The following ANK2 variants were observed in gnomAD, a reference collection of about 807,000 sequenced individuals.
ANK2 encodes the protein ankyrin 2.
Under a neutral mutation model 360.5 loss-of-function variants are expected in ANK2, and 83 were observed. The ratio of observed to expected loss-of-function variants is 0.23; its 90% CI spans 0.19 to 0.28. The LOEUF is 0.28. ANK2 is among the 10% of genes least tolerant of loss of function. ANK2 has a pLI of 1.00. For missense variants in ANK2, 4,201 were observed against 4,795.7 expected (o/e 0.88, Z 3.66); for synonymous variants, 1,740 against 1,759.5 (o/e 0.99, Z 0.28).
intron 2 of ANK2, among the ~76,000 whole-genome samples, chr4:112,977,984 C>T (rs2041985769): frequency 6.6e-6 from 1 of 152,166 alleles, no homozygotes; most frequent in Non-Finnish European, 1.5e-5. Context: ...TGGCTCACGC[C>T]TGTAATCCCA....
In ANK2 at chr4:113,318,386, G is replaced by T. The variant is rs76370480; in HGVS notation, c.2797-131G>T. 8.4e-3 allele frequency: 5,903 copies of T among 706,044 alleles called. 275 individuals carry two copies. The African/African-American group carries it at 0.095, about 11-fold the overall frequency. 43.7% of individuals were successfully genotyped at this position (706,044 alleles called of 1,614,324 possible). A position where few individuals can be genotyped will look rare whatever the true frequency, so the allele number is the denominator to read the frequency against. On this transcript the variant is annotated intron_variant, in intron 25 of 45. Transcript: ENST00000357077. ...TTAAAAGATTCATTGTAAATACATT[G>T]GTTTTATATTTTAAGTGTAAGTTTT... is the stretch of plus-strand genomic sequence containing the variant.
intron 4 of ANK2, among the ~76,000 whole-genome samples, chr4:113,204,117 A>G (rs1359568064): frequency 1.3e-5 from 2 of 152,040 alleles, no homozygotes. Flanking sequence ...ATATAAGAGA[A>G]TTTTTTCTTT....
intron 2 of ANK2, among the ~76,000 whole-genome samples, chr4:112,957,007 G>GTTTTTTTTTTTT (rs56066718): frequency 1.5e-5 from 1 of 66,480 alleles, no homozygotes; most frequent in Non-Finnish European, 2.9e-5. Flanking sequence ...TATTGCTCTT[G>GTTTTTTTTTTTT]TTTTTTTTTT....
chr4:113,258,006 T>C, intron 11 of ANK2, 44 bp from the exon 12 acceptor site: 1 of 1,526,572 alleles, frequency 6.6e-7, no homozygotes, highest in Non-Finnish European at 9.1e-7. Context: ...TGTGTGAGAA[T>C]TGTTTCTGCA....
chr4:113,343,573 A>G (rs1404337329), intron 34 of ANK2, among the ~76,000 whole-genome samples: 2 of 152,210 alleles, frequency 1.3e-5, no homozygotes, highest in African/African-American at 4.8e-5. Flanking sequence ...TAAGCTAGTA[A>G]ATTATCTGCA....
the ANK2 span, among the ~76,000 whole-genome samples, chr4:112,756,095 C>T: frequency 7.4e-3 from 1,126 of 151,928 alleles, 23 homozygotes; most frequent in Admixed American, 0.039. Flanking sequence ...AAAAATTAGC[C>T]GGGTGTGGTG....
At chr4:113,120,580 CAT>C (rs1462768308) in intron 1 of ANK2, among the ~76,000 whole-genome samples, 33 of 152,098 alleles carry the variant, frequency 2.2e-4, no homozygotes, top group Non-Finnish European at 2.6e-4. Flanking sequence ...GAAAGTAAAA[CAT>C]ATATTTATTT....
At chr4:112,746,445 T>C in the ANK2 span, among the ~76,000 whole-genome samples, 1 of 149,136 alleles carries the variant, frequency 6.7e-6, no homozygotes, top group East Asian at 2.0e-4. Flanking sequence ...GAGGTGGAGG[T>C]TGCAGTGAGC....
chr4:113,356,709 A>C lies in ANK2; in HGVS notation c.8091A>C (p.Ser2697=). ...TACAACCTCCTTCTCCACTTCCATCAAGCATGGACTCCAATTCCAGTCCAG... is the reference window on the plus strand; with the variant it reads ...TACAACCTCCTTCTCCACTTCCATCCAGCATGGACTCCAATTCCAGTCCAG... The part of the protein sequence containing the change: ...IRVQPPSPLP[S]SMDSNSSPEE... Residue 2697 remains serine (S), a synonymous_variant, in exon 38 of 46, where the codon TCA becomes TCC. Transcript: ENST00000357077. 6.2e-7 allele frequency: 1 copy of C among 1,614,154 alleles called. No individual in the cohort carries two copies. The highest frequency in any genetic ancestry group is 8.5e-7 in the Non-Finnish European group (1 of 1,179,992).
chr4:113,119,899 TTG>T, intron 1 of ANK2, among the ~76,000 whole-genome samples: 1 of 147,116 alleles, frequency 6.8e-6, no homozygotes, highest in Non-Finnish European at 1.5e-5. Flanking sequence ...AAAAGAATAT[TTG>T]TATTATTATT....
At chr4:112,829,958 C>A (rs1391869887) in intron 1 of ANK2, among the ~76,000 whole-genome samples, 6 of 140,368 alleles carry the variant, frequency 4.3e-5, no homozygotes, top group African/African-American at 1.0e-4. Flanking sequence ...GACTCCGTCT[C>A]AAAAAAATAA....
At chr4:112,889,244 AAAC>A (rs1036223405) in intron 1 of ANK2, among the ~76,000 whole-genome samples, 3 of 151,952 alleles carry the variant, frequency 2.0e-5, no homozygotes, top group African/African-American at 7.2e-5. Context: ...AAAAAAAAAA[AAAC>A]AAAACCTTAA....
chr4:113,355,479 T>C lies in ANK2; in HGVS notation c.6861T>C (p.Gly2287=). 2 of 1,614,032 alleles carry C rather than the reference T, an allele frequency of 1.2e-6. No individual in the cohort carries two copies. The highest frequency in any genetic ancestry group is 1.7e-6 in the Non-Finnish European group (2 of 1,179,982). ...ATCCCACGACCAAAGACATTACTGG[T>C]GGCTCTGAAGAGCGAGGTGCCACAG... is the stretch of plus-strand genomic sequence containing the variant. The part of the protein sequence containing the change: ...KEHPTTKDIT[G]GSEERGATVT... Residue 2287 remains glycine (G), a synonymous_variant, in exon 38 of 46, where the codon GGT becomes GGC. Coordinates refer to ENST00000357077, the MANE Select transcript of ANK2 (RefSeq NM_001148.6).
chr4:113,024,876 A>G (rs76128368), intron 2 of ANK2, among the ~76,000 whole-genome samples: 2 of 152,150 alleles, frequency 1.3e-5, no homozygotes, highest in Non-Finnish European at 2.9e-5. Context: ...TTTCCCATAA[A>G]AAATTTTCTT....
At chr4:113,013,115 G>A (rs1349604161) in intron 2 of ANK2, among the ~76,000 whole-genome samples, 2 of 152,282 alleles carry the variant, frequency 1.3e-5, no homozygotes, top group South Asian at 2.1e-4. Context: ...GTATTTTAAA[G>A]TGATCCTAGC....
intron 1 of ANK2, among the ~76,000 whole-genome samples, chr4:113,123,968 A>C (rs1337899114): frequency 6.6e-6 from 1 of 152,190 alleles, no homozygotes; most frequent in Non-Finnish European, 1.5e-5. Context: ...AATTCTGAGC[A>C]CAGAAAGGAG....
chr4:112,991,457 T>C (rs1224627356), intron 2 of ANK2, among the ~76,000 whole-genome samples: 1 of 152,088 alleles, frequency 6.6e-6, no homozygotes, highest in African/African-American at 2.4e-5. Context: ...AAACTGGCAG[T>C]GTCTTTGCTG....
At chr4:113,376,861 C>T (rs1229672719) in intron 45 of ANK2, among the ~76,000 whole-genome samples, 1 of 133,248 alleles carries the variant, frequency 7.5e-6, no homozygotes. Flanking sequence ...TTAGCCTAGG[C>T]CTACACAAGG....
At chr4:112,929,946 C>G (rs918376964) in intron 2 of ANK2, among the ~76,000 whole-genome samples, 2 of 152,104 alleles carry the variant, frequency 1.3e-5, no homozygotes, top group Non-Finnish European at 2.9e-5. Flanking sequence ...AGTTAGGAGA[C>G]TGTGATAGGA....
Sources: gnomAD v4.1 joint callset for allele counts (sites outside exome capture counted in the v4.1 genomes callset) on GRCh38, gnomAD v4.1.1 for gene constraint, MANE v1.5 for transcripts, NCBI Gene and HGNC (gene_info 2026-07-23, HGNC 2026-07-21) for gene names.